The following CD320 variants were observed in gnomAD, a reference collection of about 807,000 sequenced individuals.
CD320 encodes CD320 molecule, also known as CD320 antigen.
In CD320, 16 loss-of-function variants were observed where a neutral mutation model predicts 22.1. The ratio of observed to expected loss-of-function variants is 0.73; its 90% confidence interval spans 0.49 to 1.10. The LOEUF is 1.10. CD320 is among the 50% of genes least tolerant of loss of function. The pLI is 0.00. For missense variants in CD320, 388 were observed against 376.9 expected (o/e 1.03, Z -0.24); for synonymous variants, 188 against 167.8 (o/e 1.12, Z -0.93).
intron 1 of CD320, among the ~76,000 whole-genome samples, chr19:8,306,331 G>A (rs1036875050): frequency 3.3e-5 from 5 of 152,172 alleles, no homozygotes; most frequent in African/African-American, 9.6e-5. Context: ...TAAACCCAGG[G>A]CAGTGCCTGA....
At position 8,302,594 on chromosome 19, in the gene CD320, C is replaced by T. The variant is rs1456764469; in HGVS notation, c.718G>A (p.Ala240Thr). 2.5e-6 allele frequency: 4 copies of T among 1,613,562 alleles called. No individual in the cohort carries two copies. Among genetic ancestry groups the T allele is most frequent in the Non-Finnish European group, 3.4e-6 (4 of 1,179,876 alleles). ...AGGAGGGTGGCGGTGACCAGGCTTG[C>T]ACTGAGCACCGCTGTGGGGAACAGA... ...GVIAAAAVLS[A>T]SLVTATLLLL... Residue 240 changes from alanine (A) to threonine (T), a missense_variant, in exon 5 of 5, where the codon GCA (alanine) becomes ACA (threonine). Coordinates refer to ENST00000301458, the MANE Select transcript of CD320 (RefSeq NM_016579.4).
At position 8,302,228 on chromosome 19, in the gene CD320, C is replaced by T. The variant is rs1469063429; in HGVS notation, c.*235G>A. 5.7e-5 allele frequency: 39 copies of T among 688,542 alleles called. No individual in the cohort carries two copies. The East Asian group carries it at 1.0e-3, about 18-fold the overall frequency. 42.7% of individuals were successfully genotyped at this position (688,542 alleles called of 1,614,324 possible). On this transcript the variant is annotated 3_prime_UTR_variant, in exon 5 of 5. Coordinates refer to ENST00000301458, the MANE Select transcript of CD320 (RefSeq NM_016579.4). ...CCTGGGAGCTGCCTGGGGCCAGCCC[C>T]TCAGTTCTGGCTGTGGCAGGTTCCC...
At chr19:8,307,929 C>A (rs975072938) in intron 1 of CD320, among the ~76,000 whole-genome samples, 14 of 152,226 alleles carry the variant, frequency 9.2e-5, no homozygotes, top group African/African-American at 3.4e-4. Context: ...CGGAGCAAAA[C>A]CGTTAAAGGC....
intron 1 of CD320, among the ~76,000 whole-genome samples, chr19:8,307,649 G>A (rs894138948): frequency 5.3e-5 from 8 of 152,166 alleles, no homozygotes; most frequent in Non-Finnish European, 1.2e-4. Context: ...CAGTAGCATG[G>A]GGGGGAGAGA....
chr19:8,303,070 C>T, intron 3 of CD320, 90 bp from the exon 4 acceptor site: 1 of 1,007,482 alleles, frequency 9.9e-7, no homozygotes, highest in African/African-American at 1.6e-5. Flanking sequence ...GGGGTTTATC[C>T]TCAACCAACC....
At position 8,308,325 on chromosome 19, in the gene CD320, C is replaced by T. The variant is rs1047830074; in HGVS notation, c.-35G>A. 6 of 1,577,250 alleles carry T rather than the reference C, an allele frequency of 3.8e-6. 1 individual carries two copies. The highest frequency in any genetic ancestry group is 2.7e-5 in the African/African-American group (2 of 74,274). ...ACAGCGGCGCCGGCCACGCGCTGTC[C>T]AGACCGCTCTCTTATCCCTGCGCAC... On this transcript the variant is annotated 5_prime_UTR_variant, in exon 1 of 5. Coordinates refer to ENST00000301458, the MANE Select transcript of CD320 (RefSeq NM_016579.4).
chr19:8,305,205 T>C (rs1350817025), intron 1 of CD320, 49 bp from the exon 2 acceptor site: 13 of 1,550,990 alleles, frequency 8.4e-6, no homozygotes, highest in Non-Finnish European at 1.1e-5. Context: ...GCTGGACCTT[T>C]CTCCAAGAGC....
chr19:8,303,225 T>C lies in CD320; in HGVS notation c.503-245A>G, dbSNP rs928213130. Reference sequence around the variant, plus strand: ...TCTGCCTCCTGAGTTCAAACAATTATCCTGTCTTAGCCTCCCGAGTAGCTG... The same window carrying C: ...TCTGCCTCCTGAGTTCAAACAATTACCCTGTCTTAGCCTCCCGAGTAGCTG... On this transcript the variant is annotated intron_variant, in intron 3 of 4. Transcript: ENST00000301458. 7.9e-5 allele frequency among the ~76,000 whole-genome samples: 12 copies of C among 151,150 alleles called. 2 individuals are homozygous for C. Among genetic ancestry groups the C allele is most frequent in the Admixed American group, 1.3e-4 (2 of 15,100 alleles).
Position 8,305,110 on chromosome 19 carries a change from G to A in CD320, c.189C>T (p.Thr63=). 1 of 1,613,152 alleles carries A rather than the reference G, an allele frequency of 6.2e-7. No homozygotes were observed. Among genetic ancestry groups the A allele is most frequent in the South Asian group, 1.1e-5 (1 of 90,998 alleles). ...AGGTGAGGGGCACGCATAAGCCACT[G>A]GTGCGGCACTGGAACTTGGTGGGTG... The part of the protein sequence containing the change: ...SCPPTKFQCR[T]SGLCVPLTWR... Residue 63 remains threonine (T), a synonymous_variant, in exon 2 of 5, where the codon ACC becomes ACT. Transcript: ENST00000301458.
chr19:8,308,139 C>G lies in CD320; in HGVS notation c.142+10G>C, dbSNP rs2232776. 0.05 allele frequency: 74,244 copies of G among 1,499,112 alleles called. 4,374 individuals carry two copies. The highest frequency in any genetic ancestry group is 0.31 in the African/African-American group (21,020 of 68,792). The allele number at this position is 1,499,112 out of a possible 1,614,324, so 92.9% of individuals were successfully genotyped here. ...AGGGGTGGGAGCCCGCGCTGCGGGG[C>G]GTCACTCACCTGCGGCCTGGGCAGA... On this transcript the variant is annotated intron_variant, in intron 1 of 4. Transcript: ENST00000301458.
In CD320 at chr19:8,308,322, G is replaced by A. The variant is rs368979780; in HGVS notation, c.-32C>T. ...CCCACAGCGGCGCCGGCCACGCGCT[G>A]TCCAGACCGCTCTCTTATCCCTGCG... On this transcript the variant is annotated 5_prime_UTR_variant, in exon 1 of 5. Coordinates refer to ENST00000301458, the MANE Select transcript of CD320 (RefSeq NM_016579.4). 6.8e-5 allele frequency: 107 copies of A among 1,578,036 alleles called. No homozygotes were observed. The East Asian group carries it at 2.4e-3, about 35-fold the overall frequency.
At chr19:8,303,105 T>A (rs1970034347) in intron 3 of CD320, 125 bp from the exon 4 acceptor site, 1 of 575,160 alleles carries the variant, frequency 1.7e-6, no homozygotes. Flanking sequence ...TGACTGCCCG[T>A]AATTATGTCT....
intron 2 of CD320, 89 bp from the exon 3 acceptor site, chr19:8,304,177 C>G (rs1970053641): frequency 1.4e-6 from 1 of 704,842 alleles, no homozygotes; most frequent in African/African-American, 1.9e-5. Flanking sequence ...GCCCCACCCT[C>G]TAAGAACAGC....
intron 3 of CD320, 81 bp from the exon 4 acceptor site, chr19:8,303,061 G>T: frequency 1.7e-6 from 2 of 1,194,276 alleles, no homozygotes; most frequent in Admixed American, 1.9e-5. Flanking sequence ...GGAGCCCTTG[G>T]GGTTTATCCT....
chr19:8,307,600 G>T (rs367744105), intron 1 of CD320, among the ~76,000 whole-genome samples: 1 of 152,152 alleles, frequency 6.6e-6, no homozygotes, highest in South Asian at 2.1e-4. Context: ...GTCCACGGGG[G>T]TATATTCAAC....
In CD320 at chr19:8,302,285, G is replaced by A; in HGVS notation, c.*178C>T. The A allele has an allele frequency of 1.3e-6, 1 of 789,900 alleles. No homozygotes were observed. The highest frequency in any genetic ancestry group is 2.2e-6 in the Non-Finnish European group (1 of 458,910). The allele number at this position is 789,900 out of a possible 1,614,324, so 48.9% of individuals were successfully genotyped here. On this transcript the variant is annotated 3_prime_UTR_variant, in exon 5 of 5. Transcript: ENST00000301458. ...AGCTCCCCGGATCTCCATAGGGAGT[G>A]TCCAGGGACCCTCAATCTCCAGGGC... is the stretch of plus-strand genomic sequence containing the variant.
In CD320 at chr19:8,303,853, A is replaced by G; in HGVS notation, c.502+2T>C. 3 of 1,586,928 alleles carry G rather than the reference A, an allele frequency of 1.9e-6. No individual in the cohort carries two copies. The highest frequency in any genetic ancestry group is 2.6e-6 in the Non-Finnish European group (3 of 1,166,398). On this transcript the variant is annotated splice_donor_variant, in intron 3 of 4. Transcript: ENST00000301458. LOFTEE classifies it high-confidence loss of function. ...GTCCACCCCAGCCCCGCAGGTGCAT[A>G]CCACAGCCGAGCTCGTCGCTGGAGT... is the stretch of plus-strand genomic sequence containing the variant.
At position 8,302,447 on chromosome 19, in the gene CD320, T is replaced by G. The variant is rs767715631; in HGVS notation, c.*16A>C. 1.9e-5 allele frequency: 30 copies of G among 1,613,950 alleles called. No individual in the cohort carries two copies. The highest frequency in any genetic ancestry group is 1.6e-4 in the Middle Eastern group (1 of 6,084). On this transcript the variant is annotated 3_prime_UTR_variant, in exon 5 of 5. Transcript: ENST00000301458. ...TACGCCCAGGGCTGAGTGACGGTGG[T>G]GGCAAGTGCTTGTCCTCAGGGCAGC...
intron 1 of CD320, chr19:8,305,715 G>GA (rs762022350): frequency 2.4e-4 from 36 of 148,446 alleles, no homozygotes; most frequent in South Asian, 8.4e-4. Flanking sequence ...CCACAAAAAA[G>GA]AAAAAAAAAA....
Sources: gnomAD v4.1 joint callset for allele counts (sites outside exome capture counted in the v4.1 genomes callset) on GRCh38, gnomAD v4.1.1 for gene constraint, MANE v1.5 for transcripts, NCBI Gene and HGNC (gene_info 2026-07-23, HGNC 2026-07-21) for gene names.